Variants in PHF8 observed in about 807,000 individuals in gnomAD.
PHF8 encodes the protein PHD finger protein 8, also known as histone lysine demethylase PHF8.
PHF8 carries 9 observed loss-of-function variants against 74.4 expected under a neutral mutation model. The observed-to-expected ratio is 0.12, with a 90% CI of 0.07 to 0.21. The LOEUF is 0.21. PHF8 is among the 10% of genes least tolerant of loss of function. The pLI is 1.00. For missense variants in PHF8, 478 were observed against 816.6 expected, an observed-to-expected ratio of 0.59 and a Z score of 5.05; for synonymous variants, 311 against 316.6, an observed-to-expected ratio of 0.98 and a Z score of 0.19.
At chrX:54,015,478 A>G (rs2066048636) in intron 6 of PHF8, among the ~76,000 whole-genome samples, 1 of 103,050 alleles carries the variant, frequency 9.7e-6, no homozygotes, top group South Asian at 4.8e-4. Context: ...CGGGAGGCTG[A>G]GGCAGGAGAA....
intron 18 of PHF8, among the ~76,000 whole-genome samples, chrX:53,967,309 G>C (rs2065216670): frequency 9.2e-6 from 1 of 109,003 alleles, no homozygotes; most frequent in African/African-American, 3.3e-5. Context: ...CCGTCCGGGA[G>C]GGAGGTGGGG....
At position 53,938,375 on chromosome X, in the gene PHF8, A is replaced by G; in HGVS notation, c.*783T>C. 1.1e-6 allele frequency: 1 copy of G among 893,112 alleles called. No homozygotes were observed. Among genetic ancestry groups the G allele is most frequent in the African/African-American group, 2.1e-5 (1 of 48,772 alleles). 73.6% of individuals were successfully genotyped at this position (893,112 alleles called of 1,213,427 possible). On this transcript the variant is annotated 3_prime_UTR_variant, in exon 22 of 22. Coordinates refer to ENST00000338154, the MANE Select transcript of PHF8 (RefSeq NM_015107.3). The stretch of plus-strand genomic sequence containing the variant: ...TCTACATGATTTCAAAATCCAGGCA[A>G]ATCCCTGGAGCTCACCCTAAAACAA...
At chrX:53,950,754 A>C (rs984192777) in intron 19 of PHF8, among the ~76,000 whole-genome samples, 1 of 112,743 alleles carries the variant, frequency 8.9e-6, no homozygotes, top group Non-Finnish European at 1.9e-5. Context: ...TAGTTCAGAA[A>C]AGCCACTAAA....
At chrX:53,996,062 A>G (rs1220419015) in intron 11 of PHF8, among the ~76,000 whole-genome samples, 2 of 111,896 alleles carry the variant, frequency 1.8e-5, no homozygotes, top group Non-Finnish European at 3.8e-5. Flanking sequence ...CCACTGCCCA[A>G]GATGGCTTTG....
intron 7 of PHF8, 23 bp from the exon 8 acceptor site, chrX:54,011,307 T>A: frequency 8.4e-7 from 1 of 1,186,572 alleles, no homozygotes; most frequent in Non-Finnish European, 1.1e-6. Flanking sequence ...GAGGTTGAAG[T>A]GACAAAAATA....
At chrX:54,023,842 A>G (rs782253088) in intron 2 of PHF8, among the ~76,000 whole-genome samples, 93 of 79,662 alleles carry the variant, frequency 1.2e-3, no homozygotes, top group African/African-American at 5.2e-3. Flanking sequence ...CCCTGTCTCC[A>G]AAAAAAAAAA....
At chrX:54,012,824 C>A (rs1448112560) in intron 7 of PHF8, among the ~76,000 whole-genome samples, 5 of 108,425 alleles carry the variant, frequency 4.6e-5, no homozygotes, top group African/African-American at 1.7e-4. Flanking sequence ...CCTGTAGTCC[C>A]AGCTACTTGG....
chrX:53,949,701 A>G (rs1239918690), intron 19 of PHF8, among the ~76,000 whole-genome samples: 2 of 105,550 alleles, frequency 1.9e-5, no homozygotes, highest in Non-Finnish European at 3.9e-5. Flanking sequence ...AGTCCCAGCT[A>G]CTCAGGAGGC....
chrX:53,973,109 C>T (rs1254550216), intron 18 of PHF8, among the ~76,000 whole-genome samples: 4 of 111,699 alleles, frequency 3.6e-5, no homozygotes, highest in Non-Finnish European at 7.5e-5. Context: ...AGGACCTCTT[C>T]GAGGAGAACT....
At chrX:53,973,148 G>A (rs1350292931) in intron 18 of PHF8, among the ~76,000 whole-genome samples, 1 of 111,777 alleles carries the variant, frequency 8.9e-6, no homozygotes, top group African/African-American at 3.3e-5. Context: ...AAATGAGAGA[G>A]GACACCAACA....
upstream of PHF8, chrX:54,044,921 C>A: frequency 1.8e-6 from 2 of 1,133,532 alleles, no homozygotes; most frequent in South Asian, 1.9e-5. Context: ...GGCTCTTTCC[C>A]ACGGTCTCTG....
chrX:54,016,560 T>C (rs781864884), intron 6 of PHF8, 35 bp downstream of exon 6: 1 of 1,159,197 alleles, frequency 8.6e-7, no homozygotes, highest in Non-Finnish European at 1.2e-6. Context: ...TTCAGGCACT[T>C]TGTCAGGTTT....
At position 53,936,815 on chromosome X, in the gene PHF8, ATT is replaced by A. The variant is rs1398788362; in HGVS notation, c.*2341_*2342del. The A allele has an allele frequency of 1.2e-4, 13 of 112,386 alleles. No individual in the cohort carries two copies. The highest frequency in any genetic ancestry group is 4.2e-4 in the African/African-American group (13 of 30,822). 9.3% of individuals were successfully genotyped at this position (112,386 alleles called of 1,213,427 possible). ...AGTCTGAATGATGCTACCCTAACCT[ATT>A]TATAAAAAGGCCCTGCATCAGAAAT... is the stretch of plus-strand genomic sequence containing the variant. On this transcript the variant is annotated 3_prime_UTR_variant, in exon 22 of 22. Coordinates refer to ENST00000338154, the MANE Select transcript of PHF8 (RefSeq NM_015107.3).
chrX:54,001,957 G>A (rs1432365386), intron 10 of PHF8, among the ~76,000 whole-genome samples, 198 bp downstream of exon 10: 4 of 111,028 alleles, frequency 3.6e-5, no homozygotes, highest in Non-Finnish European at 7.5e-5. Context: ...GCACTAGGGA[G>A]ATTTTTTTTA....
intron 19 of PHF8, among the ~76,000 whole-genome samples, chrX:53,948,939 C>T (rs1449041079): frequency 9.1e-6 from 1 of 109,540 alleles, no homozygotes; most frequent in Non-Finnish European, 1.9e-5. Flanking sequence ...GGAGGAGAAT[C>T]GCTTGAACCC....
chrX:53,986,304 C>T (rs782320914), intron 16 of PHF8, among the ~76,000 whole-genome samples: 6 of 112,697 alleles, frequency 5.3e-5, no homozygotes, highest in African/African-American at 9.7e-5. Context: ...TGCAGTGGCA[C>T]GATCTCGGCT....
intron 19 of PHF8, among the ~76,000 whole-genome samples, chrX:53,960,902 T>G (rs1218232443): frequency 2.7e-5 from 3 of 111,274 alleles, no homozygotes; most frequent in Non-Finnish European, 3.8e-5. Context: ...TCCTTCTTCA[T>G]AATTCCCTTT....
intron 18 of PHF8, among the ~76,000 whole-genome samples, chrX:53,980,904 C>T (rs1428014334): frequency 8.9e-6 from 1 of 112,616 alleles, no homozygotes; most frequent in Non-Finnish European, 1.9e-5. Flanking sequence ...TGCTCATACC[C>T]AAAAGGTAAA....
chrX:53,974,640 A>C (rs782798570), intron 18 of PHF8, among the ~76,000 whole-genome samples: 1 of 112,080 alleles, frequency 8.9e-6, no homozygotes, highest in Non-Finnish European at 1.9e-5. Flanking sequence ...TCCCAATAGC[A>C]AGGACATGGA....
Sources: gnomAD v4.1 joint callset for allele counts (sites outside exome capture counted in the v4.1 genomes callset) on GRCh38, gnomAD v4.1.1 for gene constraint, MANE v1.5 for transcripts, NCBI Gene and HGNC (gene_info 2026-07-23, HGNC 2026-07-21) for gene names.